The following MTERF4 variants were observed in gnomAD, a reference collection of about 807,000 sequenced individuals.
MTERF4 encodes the protein mitochondrial transcription termination factor 4, also known as transcription termination factor 4, mitochondrial.
MTERF4 carries 17 observed loss-of-function variants against 22.5 expected under a neutral mutation model. The ratio of observed to expected loss-of-function variants is 0.75; its 90% confidence interval spans 0.52 to 1.13. The LOEUF is 1.13. Among genes scored for constraint, MTERF4 ranks in the 50% most tolerant of loss-of-function variants. The pLI is 0.00. For synonymous variants in MTERF4, 165 were observed against 175.3 expected (o/e 0.94, Z 0.47); for missense variants, 420 against 466.8 (o/e 0.90, Z 0.92).
In MTERF4 at chr2:241,096,183, C is replaced by A; in HGVS notation, c.961G>T (p.Ala321Ser). ...EEFQVFKKLL[A>S]REEEESESST... ...CTCTCAGACTCCTCCTCCTCCCGAG[C>A]CAGGAGCTTCTTAAAAACTTGAAAC... Residue 321 changes from alanine to serine, a missense_variant, in exon 4 of 4, where the codon GCT (alanine) becomes TCT (serine). By Grantham distance (99) the Ala-to-Ser change is moderately conservative. Transcript: ENST00000391980. The surrounding 1 kb of genome is among the most constrained non-coding windows in gnomAD (Gnocchi z 5.1). 6.2e-7 allele frequency: 1 copy of A among 1,614,184 alleles called. No individual in the cohort carries two copies. Among genetic ancestry groups the A allele is most frequent in the African/African-American group, 1.3e-5 (1 of 75,032 alleles).
At chr2:241,045,702 G>A in the MTERF4 span, among the ~76,000 whole-genome samples, 17 of 130,994 alleles carry the variant, frequency 1.3e-4, no homozygotes, top group Non-Finnish European at 2.0e-4. Context: ...ATTTTTAGAA[G>A]AAAACATAGG....
At chr2:241,057,033 GA>G in the MTERF4 span, among the ~76,000 whole-genome samples, 1 of 152,086 alleles carries the variant, frequency 6.6e-6, no homozygotes. Context: ...TAAAAATGAA[GA>G]AATACATCAA....
In MTERF4 at chr2:241,073,736, G is replaced by A. The variant is rs541166647; in HGVS notation, n.2426C>T. On this transcript the variant is annotated non_coding_transcript_exon_variant, in exon 5 of 5. Transcript: ENST00000464344. The surrounding 1 kb of genome is among the most constrained non-coding windows in gnomAD (Gnocchi z 6.6). The stretch of plus-strand genomic sequence containing the variant: ...CTCACTTCTCCAAAGAGGAGCAGGC[G>A]GAGTCAGGATGGGAGAAGCAGAGGG... 20 of 409,358 alleles carry A rather than the reference G, an allele frequency of 4.9e-5. No individual in the cohort carries two copies. In the South Asian group the frequency reaches 6.2e-4, roughly 13 times the overall value. The allele number at this position is 409,358 out of a possible 1,614,324, so 25.4% of individuals were successfully genotyped here.
the MTERF4 span, among the ~76,000 whole-genome samples, chr2:241,043,318 G>A: frequency 1.6e-4 from 24 of 152,182 alleles, no homozygotes; most frequent in Admixed American, 1.3e-3. Flanking sequence ...CAGACTTCTC[G>A]TCAAAAACAA....
downstream of MTERF4, chr2:241,090,095 T>C: frequency 2.7e-6 from 4 of 1,503,616 alleles, no homozygotes; most frequent in Non-Finnish European, 3.6e-6. Flanking sequence ...ACTTTATACA[T>C]TTTTAATTTT....
chr2:241,095,785 G>T lies in MTERF4; in HGVS notation c.*213C>A. On this transcript the variant is annotated 3_prime_UTR_variant, in exon 4 of 4. Coordinates refer to ENST00000391980, the MANE Select transcript of MTERF4 (RefSeq NM_182501.4). Reference sequence around the variant, plus strand: ...AGGATGGGACAGGGCCCTCCCCACAGACACGTGACAACAGATCAAACATGC... The same window carrying T: ...AGGATGGGACAGGGCCCTCCCCACATACACGTGACAACAGATCAAACATGC... The T allele has an allele frequency of 1.2e-6, 1 of 820,094 alleles. No homozygotes were observed. The highest frequency in any genetic ancestry group is 1.7e-5 in the African/African-American group (1 of 58,234). The allele number at this position is 820,094 out of a possible 1,614,324, so 50.8% of individuals were successfully genotyped here.
At chr2:241,060,118 A>C in the MTERF4 span, among the ~76,000 whole-genome samples, 1 of 152,246 alleles carries the variant, frequency 6.6e-6, no homozygotes, top group African/African-American at 2.4e-5. Flanking sequence ...TAATAGCATC[A>C]AAAACATGAT....
chr2:241,064,677 G>A, the MTERF4 span, among the ~76,000 whole-genome samples: 3 of 152,142 alleles, frequency 2.0e-5, no homozygotes, highest in Non-Finnish European at 4.4e-5. The surrounding 1 kb of genome is among the most constrained non-coding windows in gnomAD (Gnocchi z 7.0). Context: ...GTTGGGCCCC[G>A]CAGGGCAGTG....
At chr2:241,087,382 G>A (rs1300802597), downstream of MTERF4, 1 of 1,587,642 alleles carries the variant, frequency 6.3e-7, no homozygotes, top group African/African-American at 1.3e-5. Context: ...AAGCTTTCTT[G>A]TGACAACAGG....
chr2:241,046,158 G>C, the MTERF4 span, among the ~76,000 whole-genome samples: 1 of 152,126 alleles, frequency 6.6e-6, no homozygotes, highest in Non-Finnish European at 1.5e-5. Context: ...AAATAATACT[G>C]ACCTGGTGTA....
chr2:241,051,807 G>T, the MTERF4 span: 2 of 1,562,408 alleles, frequency 1.3e-6, no homozygotes, highest in Non-Finnish European at 8.7e-7. This position sits in a 1 kb window ranked among gnomAD's most constrained non-coding sequence, Gnocchi z 4.7. Context: ...GAGGCGGGCG[G>T]CGAGTACCAC....
exon 5 of MTERF4, chr2:241,072,935 A>C: frequency 2.7e-6 from 1 of 368,948 alleles, no homozygotes; most frequent in Non-Finnish European, 4.9e-6. Flanking sequence ...AAGGAGAGGA[A>C]TGCAGAATTT....
At chr2:241,048,604 C>G in the MTERF4 span, 2 of 1,520,934 alleles carry the variant, frequency 1.3e-6, no homozygotes, top group East Asian at 4.8e-5. Context: ...GGGTCTGGAG[C>G]GAGGGTGCCA....
At chr2:241,071,760 G>C (rs374519522), downstream of MTERF4, 2 of 1,543,358 alleles carry the variant, frequency 1.3e-6, no homozygotes, top group Non-Finnish European at 8.8e-7. Flanking sequence ...CCGAGGCGGC[G>C]CTCGGACTGT....
chr2:241,084,986 C>CCTG (rs2063510663), downstream of MTERF4, among the ~76,000 whole-genome samples: 1 of 152,126 alleles, frequency 6.6e-6, no homozygotes. Context: ...GACAAGAAGA[C>CCTG]TGCAGTCATT....
downstream of MTERF4, chr2:241,087,769 C>T (rs1174699638): frequency 1.2e-5 from 13 of 1,099,636 alleles, no homozygotes; most frequent in East Asian, 1.2e-4. Context: ...CAGGGTGTTA[C>T]GGACAGCCCC....
At chr2:241,060,188 T>C in the MTERF4 span, among the ~76,000 whole-genome samples, 1 of 119,240 alleles carries the variant, frequency 8.4e-6, no homozygotes, top group South Asian at 2.6e-4. Context: ...AACTATAAAC[T>C]TTTTTTTTTT....
downstream of MTERF4, chr2:241,067,727 A>G (rs2062520929): frequency 9.0e-6 from 14 of 1,556,656 alleles, no homozygotes; most frequent in Non-Finnish European, 1.2e-5. Context: ...AGGAGCAAGG[A>G]GGGGCCGGCA....
rs777335629 is a variant in MTERF4, at chr2:241,096,336, G to A, written c.808C>T (p.Arg270Cys). The change falls in exon 4 of 4, where the codon CGC becomes TGC. Residue 270 changes from arginine (R) to cysteine (C), a missense_variant. Arg to Cys is a radical substitution (Grantham distance 180). Coordinates refer to ENST00000391980, the MANE Select transcript of MTERF4 (RefSeq NM_182501.4). This position sits in a 1 kb window ranked among gnomAD's most constrained non-coding sequence, Gnocchi z 5.1. Reference sequence around the variant, plus strand: ...TCAGGGGTTTGGTACCGTCCCAGGCGCTCCAGGTAAATGTGTCTCTGCTTA... The same window carrying A: ...TCAGGGGTTTGGTACCGTCCCAGGCACTCCAGGTAAATGTGTCTCTGCTTA... The part of the protein sequence containing the change: ...KIKQRHIYLE[R>C]LGRYQTPDKK... 16 of 1,614,146 alleles carry A rather than the reference G, an allele frequency of 9.9e-6. No individual in the cohort carries two copies. The East Asian group carries it at 1.1e-4, about 11-fold the overall frequency.
Sources: gnomAD v4.1 joint callset for allele counts (sites outside exome capture counted in the v4.1 genomes callset) on GRCh38, gnomAD v4.1.1 for gene constraint, Gnocchi (gnomAD v3.1) non-coding constraint, MANE v1.5 for transcripts, NCBI Gene and HGNC (gene_info 2026-07-23, HGNC 2026-07-21) for gene names.